SFMBT1: variants seen among roughly 807,000 people sequenced by gnomAD.
SFMBT1 encodes the protein scm-like with four MBT domains protein 1.
A neutral mutation model predicts 108.7 loss-of-function variants in SFMBT1; 32 were observed. The observed-to-expected ratio is 0.29, with a 90% CI of 0.22 to 0.40. The LOEUF (loss-of-function observed/expected upper bound fraction) is 0.40. SFMBT1 is among the 10% of genes least tolerant of loss of function. SFMBT1 has a pLI of 1.00. For missense variants in SFMBT1, 816 were observed against 1,059.6 expected (o/e 0.77, Z 3.19); for synonymous variants, 348 against 369.5 (o/e 0.94, Z 0.67).
At chr3:53,044,812 TG>T (rs1700162205) in intron 1 of SFMBT1, 1 of 152,704 alleles carries the variant, frequency 6.5e-6, no homozygotes, top group Non-Finnish European at 1.5e-5. Flanking sequence ...GGCGACCCGC[TG>T]GGAACACCCC....
intron 1 of SFMBT1, among the ~76,000 whole-genome samples, chr3:53,026,700 A>T (rs1327091327): frequency 6.6e-6 from 1 of 152,194 alleles, no homozygotes. Context: ...GTTGGTTCTT[A>T]GCCGCACTCT....
At chr3:52,966,354 G>A (rs1704145278) in intron 2 of SFMBT1, among the ~76,000 whole-genome samples, 3 of 149,752 alleles carry the variant, frequency 2.0e-5, no homozygotes, top group Non-Finnish European at 3.0e-5. Context: ...AAGCCGGCGC[G>A]GTGGCTCACG....
intron 17 of SFMBT1, among the ~76,000 whole-genome samples, chr3:52,910,234 G>A (rs543780002): frequency 6.6e-6 from 1 of 152,204 alleles, no homozygotes; most frequent in African/African-American, 2.4e-5. Flanking sequence ...CCACATTAAA[G>A]GTAAACTCAC....
At chr3:52,984,253 T>TG (rs2106883438) in intron 1 of SFMBT1, among the ~76,000 whole-genome samples, 1 of 152,328 alleles carries the variant, frequency 6.6e-6, no homozygotes, top group South Asian at 2.1e-4. Context: ...GGTTTGTTCT[T>TG]GGAGTTTTCA....
chr3:52,960,760 C>T (rs1418654758), intron 2 of SFMBT1, among the ~76,000 whole-genome samples: 1 of 152,100 alleles, frequency 6.6e-6, no homozygotes, highest in African/African-American at 2.4e-5. Flanking sequence ...GCAGAGGCAA[C>T]CCAAGTGTCC....
chr3:52,945,810 C>CAAA (rs200165393), intron 3 of SFMBT1, among the ~76,000 whole-genome samples: 2 of 111,890 alleles, frequency 1.8e-5, no homozygotes, highest in Non-Finnish European at 1.8e-5. Context: ...GACTCCATCT[C>CAAA]AAAAAAAAAA....
chr3:52,928,621 TATATAC>T (rs56842565), intron 8 of SFMBT1: 87,318 of 123,858 alleles, frequency 0.7, 30,177 homozygotes, highest in Non-Finnish European at 0.79. Context: ...TATATATACA[TATATAC>T]ATATATATAC....
At chr3:53,019,583 T>C (rs975981552) in intron 1 of SFMBT1, among the ~76,000 whole-genome samples, 1 of 152,206 alleles carries the variant, frequency 6.6e-6, no homozygotes, top group African/African-American at 2.4e-5. Context: ...TAGAAACCAC[T>C]GTTGATGGCT....
At chr3:52,974,419 G>T (rs2106867957) in intron 1 of SFMBT1, among the ~76,000 whole-genome samples, 1 of 152,244 alleles carries the variant, frequency 6.6e-6, no homozygotes, top group African/African-American at 2.4e-5. Context: ...TCCCCAACAG[G>T]TGTAGTTTTC....
At chr3:53,044,595 T>C (rs934945074) in intron 1 of SFMBT1, among the ~76,000 whole-genome samples, 8 of 152,332 alleles carry the variant, frequency 5.3e-5, no homozygotes, top group African/African-American at 1.7e-4. Flanking sequence ...AAATTAATGA[T>C]TACACGTTCA....
chr3:52,908,870 T>G (rs971072341), intron 17 of SFMBT1, among the ~76,000 whole-genome samples: 2 of 152,210 alleles, frequency 1.3e-5, no homozygotes, highest in African/African-American at 4.8e-5. Context: ...CGCACCCGGC[T>G]TGACTATTCT....
intron 2 of SFMBT1, among the ~76,000 whole-genome samples, chr3:52,955,276 G>T (rs1349272484): frequency 1.1e-4 from 16 of 152,032 alleles, no homozygotes; most frequent in Admixed American, 1.0e-3. Flanking sequence ...AGCCAGGCAT[G>T]GTGGCACATG....
At chr3:52,945,391 G>A (rs1703332256) in intron 3 of SFMBT1, among the ~76,000 whole-genome samples, 1 of 151,730 alleles carries the variant, frequency 6.6e-6, no homozygotes, top group Non-Finnish European at 1.5e-5. Flanking sequence ...GTATCCATGA[G>A]TCCACACTGA....
At chr3:53,036,727 A>G (rs530074142) in intron 1 of SFMBT1, among the ~76,000 whole-genome samples, 11 of 152,236 alleles carry the variant, frequency 7.2e-5, no homozygotes, top group Non-Finnish European at 1.2e-4. Context: ...GAAGGTCTTA[A>G]AAGGTTACAG....
At chr3:52,930,545 C>CT in intron 7 of SFMBT1, 115 bp from the exon 8 acceptor site, 9 of 644,164 alleles carry the variant, frequency 1.4e-5, no homozygotes, top group South Asian at 2.2e-5. Context: ...TAGTTTTCTT[C>CT]TTTTTTTTAA....
intron 2 of SFMBT1, among the ~76,000 whole-genome samples, chr3:52,964,348 T>C (rs539251245): frequency 6.6e-6 from 1 of 152,120 alleles, no homozygotes; most frequent in South Asian, 2.1e-4. Flanking sequence ...AGACCCCATC[T>C]CTACAAAAAT....
chr3:52,964,158 T>C (rs1243028716), intron 2 of SFMBT1, among the ~76,000 whole-genome samples: 3 of 152,250 alleles, frequency 2.0e-5, no homozygotes, highest in African/African-American at 4.8e-5. Context: ...CCTGTACTTT[T>C]AAATTTACAT....
chr3:52,929,827 G>C (rs907498984), intron 8 of SFMBT1, among the ~76,000 whole-genome samples: 1 of 152,148 alleles, frequency 6.6e-6, no homozygotes, highest in Non-Finnish European at 1.5e-5. Context: ...GACTGAGCAG[G>C]GCCTTGATAA....
chr3:52,980,660 A>G (rs1297504379), intron 1 of SFMBT1, among the ~76,000 whole-genome samples: 1 of 151,984 alleles, frequency 6.6e-6, no homozygotes, highest in African/African-American at 2.4e-5. Context: ...TTGTTTAAAA[A>G]AAAAAAAAAA....
Sources: gnomAD v4.1 joint callset for allele counts (sites outside exome capture counted in the v4.1 genomes callset) on GRCh38, gnomAD v4.1.1 for gene constraint, MANE v1.5 for transcripts, NCBI Gene and HGNC (gene_info 2026-07-23, HGNC 2026-07-21) for gene names.